Variants in CTNNA3 observed in about 807,000 individuals in gnomAD.
The protein encoded by CTNNA3 is catenin alpha-3.
CTNNA3 carries 76 observed loss-of-function variants against 95.7 expected under a neutral mutation model. The ratio of observed to expected loss-of-function variants is 0.79; its 90% CI spans 0.66 to 0.96. CTNNA3 has a LOEUF of 0.96. CTNNA3 is among the 40% of genes least tolerant of loss of function. The probability of loss-of-function intolerance (pLI) is 0.00; values close to 1 mark genes in which losing one functional copy is unlikely to be tolerated. For synonymous variants in CTNNA3, 431 were observed against 374.4 expected (o/e 1.15, Z -1.74); for missense variants, 1,191 against 1,089.8 (o/e 1.09, Z -1.31).
At chr10:66,381,021 A>G (rs1194493548) in intron 11 of CTNNA3, among the ~76,000 whole-genome samples, 1 of 152,184 alleles carries the variant, frequency 6.6e-6, no homozygotes, top group Non-Finnish European at 1.5e-5. Context: ...AAGGATATCC[A>G]GGACCTGAAC....
intron 16 of CTNNA3, among the ~76,000 whole-genome samples, chr10:65,968,483 G>T (rs577246773): frequency 2.4e-4 from 37 of 152,224 alleles, no homozygotes; most frequent in African/African-American, 8.4e-4. Flanking sequence ...GACTCTCTTT[G>T]CTCCATACCC....
At chr10:67,346,518 G>A (rs937354819) in intron 5 of CTNNA3, among the ~76,000 whole-genome samples, 1 of 151,474 alleles carries the variant, frequency 6.6e-6, no homozygotes, top group East Asian at 1.9e-4. Context: ...TAGAGTAAAA[G>A]TTTTTTTTTC....
chr10:65,974,004 G>A (rs1406770151), intron 16 of CTNNA3, among the ~76,000 whole-genome samples: 1 of 152,034 alleles, frequency 6.6e-6, no homozygotes, highest in African/African-American at 2.4e-5. Flanking sequence ...TCAACATCAT[G>A]AATAATCATA....
chr10:66,942,293 A>G (rs901956679), intron 7 of CTNNA3, among the ~76,000 whole-genome samples: 1 of 152,188 alleles, frequency 6.6e-6, no homozygotes, highest in African/African-American at 2.4e-5. Flanking sequence ...AATGTCCTTG[A>G]CGCTTACCAA....
At chr10:65,999,079 T>C (rs1035516984) in intron 15 of CTNNA3, among the ~76,000 whole-genome samples, 1 of 152,164 alleles carries the variant, frequency 6.6e-6, no homozygotes, top group African/African-American at 2.4e-5. Context: ...AAAGATTGCT[T>C]TGTAATAAAA....
chr10:67,685,551 T>A (rs1188038477), intron 1 of CTNNA3, among the ~76,000 whole-genome samples: 1 of 152,200 alleles, frequency 6.6e-6, no homozygotes, highest in African/African-American at 2.4e-5. Flanking sequence ...GTTAGGAAAC[T>A]TGCTGTGTTA....
chr10:66,062,171 G>A (rs1483921007), intron 15 of CTNNA3, among the ~76,000 whole-genome samples: 1 of 152,058 alleles, frequency 6.6e-6, no homozygotes, highest in Non-Finnish European at 1.5e-5. Flanking sequence ...TCAAGATACA[G>A]TACACAGTAA....
intron 11 of CTNNA3, among the ~76,000 whole-genome samples, chr10:66,505,021 C>T (rs1840403375): frequency 1.3e-5 from 2 of 152,220 alleles, no homozygotes; most frequent in African/African-American, 4.8e-5. Flanking sequence ...GATTATTAAT[C>T]ATTACTCTAG....
At chr10:66,296,911 T>G (rs10740233) in intron 12 of CTNNA3, among the ~76,000 whole-genome samples, 73,321 of 151,950 alleles carry the variant, frequency 0.48, 18,046 homozygotes, top group African/African-American at 0.58. Flanking sequence ...ACAAAGCAGA[T>G]AAATAATCAG....
intron 5 of CTNNA3, among the ~76,000 whole-genome samples, chr10:67,342,928 G>A (rs1384698040): frequency 2.0e-5 from 3 of 151,934 alleles, no homozygotes; most frequent in African/African-American, 7.2e-5. Flanking sequence ...GGCTTTGGCT[G>A]TTCTGGCTCT....
intron 1 of CTNNA3, among the ~76,000 whole-genome samples, chr10:67,656,275 G>T (rs974035514): frequency 1.3e-5 from 2 of 152,104 alleles, no homozygotes; most frequent in African/African-American, 4.8e-5. Context: ...GAATAGTTGG[G>T]TCTCATTCTT....
chr10:66,998,821 G>A (rs1184253125), intron 7 of CTNNA3, among the ~76,000 whole-genome samples: 2 of 152,214 alleles, frequency 1.3e-5, no homozygotes, highest in Admixed American at 6.5e-5. Flanking sequence ...TTAGTGGATT[G>A]TGGGAGATAC....
chr10:67,136,238 T>C (rs1202480447), intron 7 of CTNNA3, among the ~76,000 whole-genome samples: 2 of 152,102 alleles, frequency 1.3e-5, no homozygotes, highest in African/African-American at 2.4e-5. Context: ...GGGTAATTTC[T>C]ATTTTCCTTA....
intron 11 of CTNNA3, among the ~76,000 whole-genome samples, chr10:66,508,523 G>A (rs4611095): frequency 0.15 from 23,130 of 151,842 alleles, 1,830 homozygotes; most frequent in Non-Finnish European, 0.17. Flanking sequence ...CACAATTTTG[G>A]TACTTGCCAC....
intron 13 of CTNNA3, among the ~76,000 whole-genome samples, chr10:66,244,092 A>C (rs1482667841): frequency 6.6e-6 from 1 of 152,136 alleles, no homozygotes; most frequent in African/African-American, 2.4e-5. Flanking sequence ...GTCTTAAATG[A>C]ACATTGGCAG....
At chr10:66,323,969 G>GT (rs2092222738) in intron 12 of CTNNA3, among the ~76,000 whole-genome samples, 1 of 151,918 alleles carries the variant, frequency 6.6e-6, no homozygotes, top group Non-Finnish European at 1.5e-5. Flanking sequence ...CCAACTCCAA[G>GT]GGAAGATCAT....
intron 7 of CTNNA3, among the ~76,000 whole-genome samples, chr10:66,968,346 T>TTA (rs961646168): frequency 4.8e-4 from 72 of 149,106 alleles, no homozygotes; most frequent in Admixed American, 1.2e-3. Context: ...TAAATAAATA[T>TTA]TATATATATA....
At chr10:67,726,167 A>C (rs1228570557) in intron 1 of CTNNA3, among the ~76,000 whole-genome samples, 1 of 100,278 alleles carries the variant, frequency 1.0e-5, no homozygotes, top group Admixed American at 1.4e-4. Context: ...ATATAATCTT[A>C]TATAATAATA....
At chr10:65,967,020 G>A (rs1474341988) in intron 16 of CTNNA3, among the ~76,000 whole-genome samples, 2 of 152,096 alleles carry the variant, frequency 1.3e-5, no homozygotes, top group African/African-American at 4.8e-5. Context: ...GCAGTGGCAA[G>A]ATCTTGGCTC....
Sources: gnomAD v4.1 joint callset for allele counts (sites outside exome capture counted in the v4.1 genomes callset) on GRCh38, gnomAD v4.1.1 for gene constraint, MANE v1.5 for transcripts, NCBI Gene and HGNC (gene_info 2026-07-23, HGNC 2026-07-21) for gene names.